Variants in CNTNAP2 observed in about 807,000 individuals in gnomAD.
CNTNAP2 encodes contactin-associated protein-like 2.
CNTNAP2 carries 98 observed loss-of-function variants against 155.2 expected under a neutral mutation model. The ratio of observed to expected loss-of-function variants is 0.63; its 90% CI spans 0.54 to 0.75. The LOEUF is 0.75. CNTNAP2 is among the 30% of genes least tolerant of loss of function. The pLI is 0.00. For synonymous variants in CNTNAP2, 651 were observed against 631.2 expected, an observed-to-expected ratio of 1.03 and a Z score of -0.47; for missense variants, 1,727 against 1,688.1, an observed-to-expected ratio of 1.02 and a Z score of -0.40.
At chr7:148,022,798 T>C (rs1802308260) in intron 15 of CNTNAP2, among the ~76,000 whole-genome samples, 1 of 152,136 alleles carries the variant, frequency 6.6e-6, no homozygotes, top group Non-Finnish European at 1.5e-5. Flanking sequence ...GTTTCTCTTG[T>C]AGCCACACCG....
chr7:147,540,640 G>A (rs1799622503), intron 11 of CNTNAP2, among the ~76,000 whole-genome samples: 2 of 152,118 alleles, frequency 1.3e-5, no homozygotes, highest in Admixed American at 1.3e-4. Context: ...AGAGCATCCT[G>A]GCCAACATGG....
At chr7:147,413,784 C>G (rs1247467767) in intron 10 of CNTNAP2, among the ~76,000 whole-genome samples, 1 of 152,098 alleles carries the variant, frequency 6.6e-6, no homozygotes, top group Non-Finnish European at 1.5e-5. Flanking sequence ...CAGCAGAGCT[C>G]CAGCCTCTGC....
At chr7:147,319,339 C>T (rs1166858077) in intron 9 of CNTNAP2, among the ~76,000 whole-genome samples, 1 of 151,912 alleles carries the variant, frequency 6.6e-6, no homozygotes, top group African/African-American at 2.4e-5. Flanking sequence ...CAACTAAATA[C>T]ATTGTTTCTT....
At chr7:146,224,405 C>T (rs983230201) in intron 1 of CNTNAP2, among the ~76,000 whole-genome samples, 2 of 148,178 alleles carry the variant, frequency 1.3e-5, no homozygotes, top group African/African-American at 5.0e-5. Context: ...TAGCAAGTTA[C>T]GTTTTTATCA....
intron 15 of CNTNAP2, among the ~76,000 whole-genome samples, chr7:148,043,358 C>A (rs1802712364): frequency 6.6e-6 from 1 of 152,140 alleles, no homozygotes; most frequent in Non-Finnish European, 1.5e-5. Context: ...ACCCAGGAAG[C>A]AAATACATAT....
At chr7:147,214,504 C>A in intron 8 of CNTNAP2, among the ~76,000 whole-genome samples, 1 of 152,018 alleles carries the variant, frequency 6.6e-6, no homozygotes, top group East Asian at 1.9e-4. Flanking sequence ...TGAACAATGG[C>A]CTGTAAGTAC....
At chr7:147,569,241 C>T (rs533111685) in intron 12 of CNTNAP2, among the ~76,000 whole-genome samples, 1 of 152,112 alleles carries the variant, frequency 6.6e-6, no homozygotes, top group African/African-American at 2.4e-5. Context: ...GTATTAGTAT[C>T]GTATTTAGTA....
intron 8 of CNTNAP2, among the ~76,000 whole-genome samples, chr7:147,269,926 G>C (rs1054312589): frequency 6.6e-6 from 1 of 152,048 alleles, no homozygotes; most frequent in Non-Finnish European, 1.5e-5. Flanking sequence ...GTTGGGTTTC[G>C]TGGCGTGCTC....
chr7:147,832,796 A>C (rs893595164), intron 13 of CNTNAP2, among the ~76,000 whole-genome samples: 2 of 146,406 alleles, frequency 1.4e-5, no homozygotes, highest in African/African-American at 5.0e-5. Context: ...TATATTAACT[A>C]TGTAATTTAA....
At chr7:148,152,890 A>G (rs988970536) in intron 17 of CNTNAP2, among the ~76,000 whole-genome samples, 140 of 151,944 alleles carry the variant, frequency 9.2e-4, no homozygotes, top group Non-Finnish European at 1.4e-3. Flanking sequence ...GTGTAGTGGC[A>G]GGCGCCTGTA....
At chr7:147,996,462 G>A (rs907597901) in intron 15 of CNTNAP2, among the ~76,000 whole-genome samples, 22 of 152,218 alleles carry the variant, frequency 1.4e-4, no homozygotes, top group Non-Finnish European at 2.9e-4. Flanking sequence ...GGGGCAGACA[G>A]GCCTATGCTG....
intron 8 of CNTNAP2, among the ~76,000 whole-genome samples, chr7:147,236,765 C>T (rs1803814577): frequency 6.6e-6 from 1 of 152,074 alleles, no homozygotes; most frequent in South Asian, 2.1e-4. Flanking sequence ...CCTTAGAGTT[C>T]TCCTATCCCC....
At chr7:147,278,164 C>T (rs921239760) in intron 8 of CNTNAP2, among the ~76,000 whole-genome samples, 1 of 151,364 alleles carries the variant, frequency 6.6e-6, no homozygotes, top group African/African-American at 2.4e-5. Context: ...ACACTTCCAT[C>T]CCTTAATTCT....
chr7:146,291,898 A>C (rs2129086729), intron 1 of CNTNAP2, among the ~76,000 whole-genome samples: 1 of 152,302 alleles, frequency 6.6e-6, no homozygotes, highest in Admixed American at 6.5e-5. Flanking sequence ...ATCAAAATAA[A>C]AATGTCGTGC....
intron 13 of CNTNAP2, among the ~76,000 whole-genome samples, chr7:147,679,047 A>G (rs143594404): frequency 1.3e-5 from 2 of 151,886 alleles, no homozygotes; most frequent in African/African-American, 4.8e-5. Context: ...GAAATCTTCA[A>G]AAGAAATCTG....
intron 11 of CNTNAP2, among the ~76,000 whole-genome samples, chr7:147,543,181 C>G (rs60016138): frequency 6.6e-6 from 1 of 152,176 alleles, no homozygotes; most frequent in Non-Finnish European, 1.5e-5. Context: ...AAGTATCCCT[C>G]ATGGGAAACA....
rs376552782 is a variant in CNTNAP2 at position 146,314,121 on chromosome 7, G to A, written c.97+197148G>A. ...CATCAGCATTTGTTGAATAAAATCCGTCATTTCCTATTATGTATTCTTGTC... is the reference window on the plus strand; with the variant it reads ...CATCAGCATTTGTTGAATAAAATCCATCATTTCCTATTATGTATTCTTGTC... On this transcript the variant is annotated intron_variant, in intron 1 of 23. Coordinates refer to ENST00000361727, the MANE Select transcript of CNTNAP2 (RefSeq NM_014141.6). Among the ~76,000 whole-genome samples the A allele has an allele frequency of 1.5e-4, 23 of 152,200 alleles. 1 individual carries two copies. In the South Asian group the frequency reaches 3.9e-3, roughly 26 times the overall value.
At chr7:147,199,462 G>GTATAC (rs1443604865) in intron 8 of CNTNAP2, among the ~76,000 whole-genome samples, 8 of 152,132 alleles carry the variant, frequency 5.3e-5, no homozygotes, top group African/African-American at 1.9e-4. Flanking sequence ...AGCTAAAACA[G>GTATAC]TATACTACGT....
intron 3 of CNTNAP2, among the ~76,000 whole-genome samples, chr7:146,983,623 G>A (rs951557250): frequency 1.3e-5 from 2 of 152,132 alleles, no homozygotes; most frequent in African/African-American, 4.8e-5. Flanking sequence ...GAGTATGTAT[G>A]GGTGTACCCA....
Sources: allele counts gnomAD v4.1 joint callset (sites outside exome capture counted in the v4.1 genomes callset), GRCh38; gene constraint gnomAD v4.1.1; transcripts MANE v1.5; gene names NCBI Gene and HGNC (gene_info 2026-07-23, HGNC 2026-07-21).